The following UTY variants were observed in gnomAD, a reference collection of about 807,000 sequenced individuals.
UTY encodes the protein histone demethylase UTY.
In UTY, 12 loss-of-function variants were observed where a neutral mutation model predicts 32.5. The observed-to-expected ratio is 0.37, with a 90% CI of 0.24 to 0.60. The LOEUF is 0.60. UTY is among the 20% of genes least tolerant of loss of function. The pLI is 0.69. For missense variants in UTY, 303 were observed against 299.2 expected, an observed-to-expected ratio of 1.01 and a Z score of -0.09; for synonymous variants, 131 against 103.4, an observed-to-expected ratio of 1.27 and a Z score of -1.62.
At chrY:13,471,649 C>A in intron 2 of UTY, among the ~76,000 whole-genome samples, 1 of 32,444 alleles carries the variant, frequency 3.1e-5, no homozygotes, top group African/African-American at 1.2e-4. Context: ...ATGGTGAAAC[C>A]CCGTGCCTAC....
chrY:13,313,002 A>G (rs2059280505), intron 21 of UTY, among the ~76,000 whole-genome samples: 1 of 33,444 alleles, frequency 3.0e-5, no homozygotes, highest in Non-Finnish European at 7.4e-5. Flanking sequence ...AGAATTCTCA[A>G]AGAACCTAAA....
downstream of UTY, among the ~76,000 whole-genome samples, chrY:13,247,803 T>G (rs369982345): frequency 1.2e-4 from 4 of 33,915 alleles, no homozygotes; most frequent in South Asian, 6.5e-4. Context: ...ATTCAACATA[T>G]AGTAATCCTA....
In UTY at chrY:13,479,882, G is replaced by C; in HGVS notation, c.-217C>G. ...CTGGGAAACTACAGGGAAGGCAGAA[G>C]CTCGCAGTGCTGGAGAGCACAGCAG... On this transcript the variant is annotated 5_prime_UTR_variant, in exon 1 of 30. Coordinates refer to ENST00000545955, the MANE Select transcript of UTY (RefSeq NM_001258249.2). The C allele has an allele frequency of 6.8e-6, 1 of 146,958 alleles. No homozygotes were observed. The highest frequency in any genetic ancestry group is 1.3e-5 in the Non-Finnish European group (1 of 79,249). 36.7% of individuals were successfully genotyped at this position (146,958 alleles called of 400,897 possible). A position where few individuals can be genotyped will look rare whatever the true frequency, so the allele number is the denominator to read the frequency against.
In UTY at chrY:13,242,833, T is replaced by A. The variant is rs372749548; in HGVS notation, c.*1477-8007A>T. Among the ~76,000 whole-genome samples, 37 of 33,985 alleles carry A rather than the reference T, an allele frequency of 1.1e-3. No homozygotes were observed. The South Asian group carries it at 0.013, about 12-fold the overall frequency. 91.2% of individuals were successfully genotyped at this position (33,985 alleles called of 37,273 possible). ...TATTTATGGCCAAGTGACTTTTTTTTAAACAAAGATGAAAATACATTTGAA... is the reference window on the plus strand; with the variant it reads ...TATTTATGGCCAAGTGACTTTTTTTAAAACAAAGATGAAAATACATTTGAA... On this transcript the variant is annotated intron_variant and NMD_transcript_variant, in intron 28 of 28. Transcript: ENST00000682112.
intron 4 of UTY, among the ~76,000 whole-genome samples, chrY:13,434,208 T>C (rs2074310585): frequency 2.9e-5 from 1 of 33,902 alleles, no homozygotes; most frequent in South Asian, 6.5e-4. Flanking sequence ...AAACTGTATT[T>C]TACTTTACTT....
intron 17 of UTY, chrY:13,354,667 A>T: frequency 7.5e-6 from 1 of 134,168 alleles, no homozygotes; most frequent in South Asian, 7.4e-5. Flanking sequence ...TCAAAGTAAG[A>T]TGTTGTTTGC....
intron 21 of UTY, among the ~76,000 whole-genome samples, chrY:13,321,403 T>C (rs2059826759): frequency 3.0e-5 from 1 of 33,428 alleles, no homozygotes; most frequent in Non-Finnish European, 7.4e-5. Flanking sequence ...TTTTTTGTTT[T>C]TAATGAGGGA....
chrY:13,310,586 A>C (rs2058984369), intron 21 of UTY, among the ~76,000 whole-genome samples: 1 of 33,471 alleles, frequency 3.0e-5, no homozygotes, highest in Non-Finnish European at 7.4e-5. Flanking sequence ...ACAAATGGTA[A>C]GGTCTTCAAC....
At chrY:13,259,457 T>C (rs2055110555) in intron 28 of UTY, among the ~76,000 whole-genome samples, 1 of 34,246 alleles carries the variant, frequency 2.9e-5, no homozygotes, top group East Asian at 7.7e-4. Flanking sequence ...ATCATATTCC[T>C]TAAAATGAAT....
intron 6 of UTY, among the ~76,000 whole-genome samples, chrY:13,400,345 AG>A (rs368369639): frequency 0.048 from 1,591 of 32,983 alleles, no homozygotes; most frequent in Middle Eastern, 0.38. Flanking sequence ...TGAAATGTTG[AG>A]TATACCTTTC....
intron 27 of UTY, among the ~76,000 whole-genome samples, chrY:13,272,753 A>T: frequency 3.0e-5 from 1 of 33,326 alleles, no homozygotes; most frequent in Non-Finnish European, 7.4e-5. Flanking sequence ...TTAATTAATT[A>T]ATTTATTGGC....
intron 17 of UTY, among the ~76,000 whole-genome samples, chrY:13,351,722 T>C: frequency 3.0e-5 from 1 of 33,861 alleles, no homozygotes; most frequent in African/African-American, 1.2e-4. Context: ...AACTTTCCAT[T>C]TAACAGTTGC....
chrY:13,464,398 T>C, intron 3 of UTY, among the ~76,000 whole-genome samples: 1 of 33,799 alleles, frequency 3.0e-5, no homozygotes, highest in South Asian at 6.4e-4. Context: ...TCAAGTATTC[T>C]AAACAAACAG....
chrY:13,275,858 C>T, intron 27 of UTY, among the ~76,000 whole-genome samples: 2 of 33,910 alleles, frequency 5.9e-5, no homozygotes, highest in Non-Finnish European at 1.5e-4. Context: ...GAACTGAAGT[C>T]ATGTGTCACA....
intron 21 of UTY, among the ~76,000 whole-genome samples, chrY:13,312,371 C>A (rs1603373595): frequency 3.6e-5 from 1 of 27,614 alleles, no homozygotes; most frequent in Non-Finnish European, 8.5e-5. Context: ...CCAGCCTGGG[C>A]GACAGAGCGA....
At chrY:13,437,620 T>C (rs2074726115) in intron 4 of UTY, among the ~76,000 whole-genome samples, 3 of 33,617 alleles carry the variant, frequency 8.9e-5, no homozygotes, top group Non-Finnish European at 2.2e-4. Context: ...CCTGATCATT[T>C]AGAATGCCTA....
chrY:13,292,179 G>A, intron 27 of UTY, among the ~76,000 whole-genome samples: 5 of 32,666 alleles, frequency 1.5e-4, no homozygotes, highest in African/African-American at 3.6e-4. Flanking sequence ...GGCCGGGTGC[G>A]GTGGCTCACA....
At chrY:13,354,277 TGTA>T in intron 17 of UTY, among the ~76,000 whole-genome samples, 2 of 32,588 alleles carry the variant, frequency 6.1e-5, no homozygotes, top group Non-Finnish European at 1.5e-4. Context: ...GTGGCATGCG[TGTA>T]GTCCCAGCTA....
chrY:13,262,960 TCA>T (rs2055425728), intron 27 of UTY, among the ~76,000 whole-genome samples: 1 of 33,124 alleles, frequency 3.0e-5, no homozygotes, highest in African/African-American at 1.2e-4. Flanking sequence ...GACAATTACA[TCA>T]CAGTTTTTAT....
Sources: gnomAD v4.1 joint callset for allele counts (sites outside exome capture counted in the v4.1 genomes callset) on GRCh38, gnomAD v4.1.1 for gene constraint, MANE v1.5 for transcripts, NCBI Gene and HGNC (gene_info 2026-07-23, HGNC 2026-07-21) for gene names.